Variants in GSK3B observed in about 807,000 individuals in gnomAD.
The protein encoded by GSK3B is glycogen synthase kinase 3 beta.
Under a neutral mutation model 56.4 loss-of-function variants are expected in GSK3B, and 15 were observed. The observed-to-expected ratio is 0.27, with a 90% CI of 0.18 to 0.41. GSK3B has a LOEUF of 0.41. GSK3B is among the 10% of genes least tolerant of loss of function. The pLI, the probability that GSK3B is intolerant of heterozygous loss-of-function variation, is 1.00. For synonymous variants in GSK3B, 181 were observed against 188.9 expected (o/e 0.96, Z 0.34); for missense variants, 300 against 513.4 (o/e 0.58, Z 4.02).
intron 3 of GSK3B, among the ~76,000 whole-genome samples, chr3:119,928,718 A>G (rs998778133): frequency 1.3e-5 from 2 of 151,696 alleles, no homozygotes; most frequent in African/African-American, 2.4e-5. Context: ...ATAGCATAGT[A>G]ATTAAGAAGT....
chr3:120,020,110 G>A lies in GSK3B; in HGVS notation c.89-17871C>T, dbSNP rs1013191634. Among the ~76,000 whole-genome samples the A allele has an allele frequency of 5.9e-5, 9 of 152,136 alleles. No individual in the cohort carries two copies. In the East Asian group the frequency reaches 7.7e-4, roughly 13 times the overall value. ...AAAATATTACAATTTTAACTGTTGC[G>A]AAGATAGAGTACCTCCAAACAACTT... On this transcript the variant is annotated intron_variant, in intron 1 of 10. Coordinates refer to ENST00000264235, the MANE Select transcript of GSK3B (RefSeq NM_001146156.2).
At chr3:119,864,592 T>C (rs571305161) in intron 8 of GSK3B, among the ~76,000 whole-genome samples, 8 of 152,098 alleles carry the variant, frequency 5.3e-5, no homozygotes, top group Non-Finnish European at 8.8e-5. Flanking sequence ...AGTAGACACT[T>C]ATAAATGGAG....
At chr3:119,870,556 A>G (rs1360474560) in intron 8 of GSK3B, among the ~76,000 whole-genome samples, 1 of 152,138 alleles carries the variant, frequency 6.6e-6, no homozygotes, top group African/African-American at 2.4e-5. Flanking sequence ...TGGATTAGCC[A>G]CCCTAAAAGC....
At chr3:119,972,645 C>A (rs1025624903) in intron 2 of GSK3B, among the ~76,000 whole-genome samples, 1 of 152,082 alleles carries the variant, frequency 6.6e-6, no homozygotes. Context: ...CCAAGTTAGC[C>A]GGGATGTTCT....
At chr3:119,982,328 G>A (rs1051582095) in intron 2 of GSK3B, among the ~76,000 whole-genome samples, 1 of 152,120 alleles carries the variant, frequency 6.6e-6, no homozygotes, top group Non-Finnish European at 1.5e-5. Context: ...GCAGCTCCTC[G>A]CCAGCAACAG....
At chr3:119,872,807 G>GA (rs113146002) in intron 8 of GSK3B, among the ~76,000 whole-genome samples, 3,930 of 152,088 alleles carry the variant, frequency 0.026, 174 homozygotes, top group African/African-American at 0.088. Flanking sequence ...TCTTACAAAA[G>GA]AAAAAAGCTG....
At chr3:119,845,982 A>C (rs2055850640) in intron 9 of GSK3B, among the ~76,000 whole-genome samples, 1 of 152,226 alleles carries the variant, frequency 6.6e-6, no homozygotes, top group African/African-American at 2.4e-5. Context: ...CAGAGCCCTC[A>C]GAAATACCAC....
chr3:120,066,284 T>C (rs1288380340), intron 1 of GSK3B, among the ~76,000 whole-genome samples: 8 of 152,042 alleles, frequency 5.3e-5, no homozygotes, highest in Non-Finnish European at 1.0e-4. Flanking sequence ...AATGACTGGT[T>C]CTAGATATCT....
intron 7 of GSK3B, among the ~76,000 whole-genome samples, chr3:119,901,169 T>A (rs1021246252): frequency 6.6e-6 from 1 of 152,172 alleles, no homozygotes; most frequent in African/African-American, 2.4e-5. Flanking sequence ...ATATTTTATT[T>A]TTTCCCATGT....
At chr3:119,936,334 A>T (rs915363352) in intron 3 of GSK3B, among the ~76,000 whole-genome samples, 5 of 131,174 alleles carry the variant, frequency 3.8e-5, no homozygotes, top group Non-Finnish European at 6.1e-5. Flanking sequence ...AATATATATA[A>T]AAAATATATA....
intron 2 of GSK3B, among the ~76,000 whole-genome samples, chr3:119,962,189 A>C (rs1368660462): frequency 1.3e-5 from 2 of 152,104 alleles, no homozygotes; most frequent in Non-Finnish European, 2.9e-5. Flanking sequence ...CAGCCTGACC[A>C]ACATGGAGAA....
At position 120,026,554 on chromosome 3, in the gene GSK3B, A is replaced by AC. The variant is rs1559881737; in HGVS notation, c.89-24316_89-24315insG. Among the ~76,000 whole-genome samples the AC allele has an allele frequency of 9.3e-3, 601 of 64,378 alleles. 8 individuals are homozygous for AC. The highest frequency in any genetic ancestry group is 0.013 in the Admixed American group (89 of 6,756). 42.2% of individuals were successfully genotyped at this position (64,378 alleles called of 152,430 possible). A position where few individuals can be genotyped will look rare whatever the true frequency, so the allele number is the denominator to read the frequency against. ...ACACACACACACACACACACACACAAACACACACACACTCTTTTTTTTTTT... is the reference window on the plus strand; with the variant it reads ...ACACACACACACACACACACACACAACACACACACACACTCTTTTTTTTTTT... On this transcript the variant is annotated intron_variant, in intron 1 of 10. Coordinates refer to ENST00000264235, the MANE Select transcript of GSK3B (RefSeq NM_001146156.2).
chr3:119,963,625 C>CAA (rs774359104), intron 2 of GSK3B, among the ~76,000 whole-genome samples: 2,849 of 79,066 alleles, frequency 0.036, 130 homozygotes, highest in African/African-American at 0.094. Context: ...TTCTTCCCCA[C>CAA]AAAAAAAAAA....
chr3:119,983,427 C>T (rs2057483433), intron 2 of GSK3B, among the ~76,000 whole-genome samples: 2 of 151,646 alleles, frequency 1.3e-5, no homozygotes, highest in African/African-American at 2.4e-5. Context: ...GATAAAGAGT[C>T]AAGACCCATC....
chr3:119,918,285 C>A (rs1559836102), intron 4 of GSK3B, among the ~76,000 whole-genome samples: 1 of 151,604 alleles, frequency 6.6e-6, no homozygotes, highest in Non-Finnish European at 1.5e-5. Context: ...ACCCTGGGGG[C>A]AACATGGTGA....
At chr3:120,066,346 C>G (rs375161427) in intron 1 of GSK3B, among the ~76,000 whole-genome samples, 3 of 152,068 alleles carry the variant, frequency 2.0e-5, no homozygotes, top group South Asian at 2.1e-4. Context: ...TACTAGAAAA[C>G]AGGATTACCA....
chr3:119,841,379 AT>A (rs1311219180), intron 10 of GSK3B, among the ~76,000 whole-genome samples: 1 of 152,186 alleles, frequency 6.6e-6, no homozygotes, highest in Non-Finnish European at 1.5e-5. Flanking sequence ...AAACCTACTC[AT>A]TTTTATACAC....
At chr3:119,944,052 G>A (rs893718554) in intron 3 of GSK3B, among the ~76,000 whole-genome samples, 5 of 152,266 alleles carry the variant, frequency 3.3e-5, no homozygotes, top group African/African-American at 1.2e-4. Flanking sequence ...TAGAGAATGA[G>A]AGAATTTTTT....
At chr3:120,063,021 A>C (rs1284747596) in intron 1 of GSK3B, among the ~76,000 whole-genome samples, 1 of 152,246 alleles carries the variant, frequency 6.6e-6, no homozygotes, top group East Asian at 1.9e-4. Flanking sequence ...TCTTATTTAT[A>C]TTCAGGACTC....
Sources: allele counts gnomAD v4.1 joint callset (sites outside exome capture counted in the v4.1 genomes callset), GRCh38; gene constraint gnomAD v4.1.1; transcripts MANE v1.5; gene names NCBI Gene and HGNC (gene_info 2026-07-23, HGNC 2026-07-21).